The following CCKAR variants were observed in gnomAD, a reference collection of about 807,000 sequenced individuals.
The protein encoded by CCKAR is cholecystokinin A receptor.
In CCKAR, 21 loss-of-function variants were observed where a neutral mutation model predicts 29.8. That is an observed-to-expected ratio of 0.70 (90% CI 0.50 to 1.01). The LOEUF (loss-of-function observed/expected upper bound fraction) is 1.01, where lower values mean the gene tolerates loss of function less well. CCKAR is among the 50% of genes least tolerant of loss of function. The pLI, the probability that CCKAR is intolerant of heterozygous loss-of-function variation, is 0.00. For synonymous variants in CCKAR, 238 were observed against 221.3 expected (o/e 1.08, Z -0.67); for missense variants, 570 against 560.6 (o/e 1.02, Z -0.17).
chr4:26,483,085 T>C, intron 4 of CCKAR, 71 bp downstream of exon 4: 4 of 1,507,098 alleles, frequency 2.7e-6, no homozygotes, highest in African/African-American at 1.4e-5. Flanking sequence ...ACTCTGGGTA[T>C]ATCTATTTAA....
At chr4:26,485,166 C>A (rs1402843869) in intron 3 of CCKAR, among the ~76,000 whole-genome samples, 1 of 149,318 alleles carries the variant, frequency 6.7e-6, no homozygotes. Flanking sequence ...TGCACTCCAG[C>A]CTGGGCAACA....
intron 2 of CCKAR, among the ~76,000 whole-genome samples, chr4:26,486,653 C>T (rs1444008579): frequency 6.6e-6 from 1 of 152,166 alleles, no homozygotes; most frequent in Non-Finnish European, 1.5e-5. Flanking sequence ...GTGGCTGATG[C>T]CTGTAATACC....
At chr4:26,483,044 C>A in intron 4 of CCKAR, 112 bp downstream of exon 4, 1 of 1,089,470 alleles carries the variant, frequency 9.2e-7, no homozygotes, top group South Asian at 1.8e-5. Context: ...CATAAGAATA[C>A]TTAAAAGCTT....
chr4:26,481,842 G>A lies in CCKAR; in HGVS notation c.1083C>T (p.Thr361=), dbSNP rs771221266. 3 of 1,613,894 alleles carry A rather than the reference G, an allele frequency of 1.9e-6. No homozygotes were observed. The highest frequency in any genetic ancestry group is 1.7e-6 in the Non-Finnish European group (2 of 1,179,866). ...PISFILLLSY[T]SSCVNPIIYC... ...AGATGATGGGGTTGACGCAGGAGGA[G>A]GTGTAGGACAGGAGGAGGATGAAGG... The change falls in exon 5 of 5, where the codon ACC becomes ACT. Residue 361 remains threonine, a synonymous_variant. Transcript: ENST00000295589.
chr4:26,482,092 C>CA lies in CCKAR; in HGVS notation c.832_833insT (p.Arg278MetfsTer22), dbSNP rs1560367907. The CA allele has an allele frequency of 1.9e-6, 3 of 1,614,200 alleles. No homozygotes were observed. Among genetic ancestry groups the CA allele is most frequent in the Non-Finnish European group, 2.5e-6 (3 of 1,180,040 alleles). ...GGACAGCTGCCGGAGCTCCAGCTTC[C>CA]TCGGGGGCCTGGTCTTTTGCAGGTA... On this transcript the variant is annotated frameshift_variant, in exon 5 of 5. Transcript: ENST00000295589. LOFTEE classifies it high-confidence loss of function.
intron 3 of CCKAR, among the ~76,000 whole-genome samples, chr4:26,483,754 A>G (rs923293805): frequency 6.6e-6 from 1 of 152,252 alleles, no homozygotes; most frequent in African/African-American, 2.4e-5. Flanking sequence ...TACAGCAGAG[A>G]GGAGGAAACT....
chr4:26,481,797 G>A lies in CCKAR; in HGVS notation c.1128C>T (p.Arg376=). 2.5e-6 allele frequency: 4 copies of A among 1,613,984 alleles called. No homozygotes were observed. Among genetic ancestry groups the A allele is most frequent in the Non-Finnish European group, 3.4e-6 (4 of 1,179,944 alleles). Residue 376 remains arginine, a synonymous_variant, in exon 5 of 5, where the codon CGC becomes CGT. Coordinates refer to ENST00000295589, the MANE Select transcript of CCKAR (RefSeq NM_000730.3). The part of the protein sequence containing the change: ...NPIIYCFMNK[R]FRLGFMATFP... The stretch of plus-strand genomic sequence containing the variant: ...AGGTGGCCATGAAGCCGAGGCGGAA[G>A]CGTTTGTTCATGAAGCAGTAGATGA...
chr4:26,481,456 C>T lies in CCKAR; in HGVS notation c.*182G>A, dbSNP rs28636017. ...AACTGCCTAGAAACCAATCATGGCC[C>T]CACTGGAGCAGTGCTCTGGAATCCA... is the stretch of plus-strand genomic sequence containing the variant. On this transcript the variant is annotated 3_prime_UTR_variant, in exon 5 of 5. Coordinates refer to ENST00000295589, the MANE Select transcript of CCKAR (RefSeq NM_000730.3). 2.4e-3 allele frequency: 1,623 copies of T among 666,028 alleles called. 21 individuals are homozygous for T. In the African/African-American group the frequency reaches 0.027, roughly 11 times the overall value. 41.3% of individuals were successfully genotyped at this position (666,028 alleles called of 1,614,324 possible). A position where few individuals can be genotyped will look rare whatever the true frequency, so the allele number is the denominator to read the frequency against.
intron 1 of CCKAR, 41 bp from the exon 2 acceptor site, chr4:26,489,525 A>G (rs1232859941): frequency 1.9e-6 from 3 of 1,606,484 alleles, no homozygotes; most frequent in Non-Finnish European, 2.6e-6. Flanking sequence ...GATGGAGGTG[A>G]TGACAGCAGA....
intron 2 of CCKAR, among the ~76,000 whole-genome samples, chr4:26,487,555 G>A (rs988354346): frequency 6.6e-6 from 1 of 152,060 alleles, no homozygotes; most frequent in Admixed American, 6.6e-5. Context: ...TTAGTATTGA[G>A]GAGACTGCAA....
intron 2 of CCKAR, 136 bp downstream of exon 2, chr4:26,489,084 TGTCCGTGCACACA>T: frequency 2.0e-6 from 2 of 989,188 alleles, no homozygotes; most frequent in South Asian, 3.1e-5. Context: ...CCAGCACCAA[TGTCCGTGCACACA>T]GCCATGCACA....
intron 3 of CCKAR, among the ~76,000 whole-genome samples, chr4:26,484,737 G>GAAA: frequency 6.6e-6 from 1 of 152,090 alleles, no homozygotes; most frequent in African/African-American, 2.4e-5. Flanking sequence ...TCCCTGCTCT[G>GAAA]TCTTAATTCT....
At chr4:26,488,825 C>T (rs1323279719) in intron 2 of CCKAR, among the ~76,000 whole-genome samples, 2 of 152,162 alleles carry the variant, frequency 1.3e-5, no homozygotes, top group Non-Finnish European at 2.9e-5. Flanking sequence ...CCTCACCCTC[C>T]CTAGAAGCCA....
In CCKAR at chr4:26,485,789, A is replaced by G; in HGVS notation, c.474T>C (p.Ala158=). ...QSRVWQTKSH[A]LKVIAATWCL... Reference sequence around the variant, plus strand: ...ACCAGGTAGCAGCAATCACCTTCAAAGCATGGGATTTTGTCTGCCAGACCC... The same window carrying G: ...ACCAGGTAGCAGCAATCACCTTCAAGGCATGGGATTTTGTCTGCCAGACCC... Residue 158 remains alanine, a synonymous_variant, in exon 3 of 5, where the codon GCT becomes GCC. Coordinates refer to ENST00000295589, the MANE Select transcript of CCKAR (RefSeq NM_000730.3). 6.2e-7 allele frequency: 1 copy of G among 1,614,132 alleles called. No homozygotes were observed. Among genetic ancestry groups the G allele is most frequent in the Non-Finnish European group, 8.5e-7 (1 of 1,180,008 alleles).
At position 26,482,101 on chromosome 4, in the gene CCKAR, C is replaced by A. The variant is rs773422689; in HGVS notation, c.824G>T (p.Arg275Met). 2.5e-6 allele frequency: 4 copies of A among 1,614,066 alleles called. No homozygotes were observed. The highest frequency in any genetic ancestry group is 2.5e-6 in the Non-Finnish European group (3 of 1,180,040). ...CCGGAGCTCCAGCTTCCTCGGGGGCCTGGTCTTTTGCAGGTAACACCCATC... is the reference window on the plus strand; with the variant it reads ...CCGGAGCTCCAGCTTCCTCGGGGGCATGGTCTTTTGCAGGTAACACCCATC... ...DSDGCYLQKT[R>M]PPRKLELRQL... The change falls in exon 5 of 5, where the codon AGG becomes ATG. Residue 275 changes from arginine to methionine, a missense_variant. By Grantham distance (91) the Arg-to-Met change is moderately conservative (BLOSUM62 -1). Transcript: ENST00000295589.
At chr4:26,488,511 T>A (rs529506067) in intron 2 of CCKAR, among the ~76,000 whole-genome samples, 1 of 152,180 alleles carries the variant, frequency 6.6e-6, no homozygotes, top group Non-Finnish European at 1.5e-5. Flanking sequence ...GCTAAAAAAA[T>A]TTAGCTCTTA....
chr4:26,488,483 C>T (rs993177506), intron 2 of CCKAR, among the ~76,000 whole-genome samples: 1 of 152,212 alleles, frequency 6.6e-6, no homozygotes, highest in Non-Finnish European at 1.5e-5. Flanking sequence ...CTTAGTACCA[C>T]ATGGGGTGCA....
intron 2 of CCKAR, 113 bp downstream of exon 2, chr4:26,489,120 G>T: frequency 1.5e-6 from 2 of 1,336,642 alleles, no homozygotes; most frequent in Admixed American, 1.8e-5. Flanking sequence ...CTGATGTTCT[G>T]TGATTCAGCC....
chr4:26,487,345 A>T (rs1737469258), intron 2 of CCKAR, among the ~76,000 whole-genome samples: 1 of 152,100 alleles, frequency 6.6e-6, no homozygotes, highest in African/African-American at 2.4e-5. Flanking sequence ...TTAACTAAAA[A>T]CTCATGTTCT....
Sources: gnomAD v4.1 joint callset for allele counts (sites outside exome capture counted in the v4.1 genomes callset) on GRCh38, gnomAD v4.1.1 for gene constraint, MANE v1.5 for transcripts, NCBI Gene and HGNC (gene_info 2026-07-23, HGNC 2026-07-21) for gene names.